Variants in EXD3 observed in about 807,000 individuals in gnomAD.
EXD3 encodes the protein exonuclease mut-7 homolog.
In EXD3, 92 loss-of-function variants were observed where a neutral mutation model predicts 98.0. The observed-to-expected ratio is 0.94, with a 90% CI of 0.79 to 1.12. The LOEUF (loss-of-function observed/expected upper bound fraction) is 1.12. Ranked by LOEUF, EXD3 falls within the 50% of genes most tolerant of loss-of-function variation. EXD3 has a pLI of 0.00. For missense variants in EXD3, 1,222 were observed against 1,191.6 expected (o/e 1.03, Z -0.38); for synonymous variants, 569 against 526.0 (o/e 1.08, Z -1.12).
At position 137,365,850 on chromosome 9, in the gene EXD3, A is replaced by T. The variant is rs554471534; in HGVS notation, c.656+643T>A. 2.2e-4 allele frequency: 77 copies of T among 357,580 alleles called. 1 individual carries two copies. The highest frequency in any genetic ancestry group is 1.2e-3 in the South Asian group (60 of 48,218). The allele number at this position is 357,580 out of a possible 1,614,324, so 22.2% of individuals were successfully genotyped here. A position where few individuals can be genotyped will look rare whatever the true frequency, so the allele number is the denominator to read the frequency against. The stretch of plus-strand genomic sequence containing the variant: ...CAGACATACACACCTGCACAAACGA[A>T]CACAATGCACACACAGATATACATG... On this transcript the variant is annotated intron_variant, in intron 7 of 21. Transcript: ENST00000340951.
chr9:137,337,433 A>G (rs1833412364), intron 17 of EXD3, among the ~76,000 whole-genome samples: 1 of 152,126 alleles, frequency 6.6e-6, no homozygotes, highest in South Asian at 2.1e-4. Flanking sequence ...CGGGCGGATC[A>G]CAAGGTCAGG....
At chr9:137,384,527 C>G (rs1310195412) in intron 2 of EXD3, among the ~76,000 whole-genome samples, 1 of 152,316 alleles carries the variant, frequency 6.6e-6, no homozygotes, top group South Asian at 2.1e-4. Flanking sequence ...CAGGGCAGCA[C>G]GTAAGGATGC....
At chr9:137,373,118 C>T (rs1332301847) in intron 4 of EXD3, 46 bp from the exon 5 acceptor site, 1 of 1,513,942 alleles carries the variant, frequency 6.6e-7, no homozygotes, top group Non-Finnish European at 8.8e-7. Flanking sequence ...CACCCAGTGG[C>T]TGGGCCATGG....
chr9:137,388,473 T>C (rs1836725610), intron 2 of EXD3, among the ~76,000 whole-genome samples: 1 of 152,092 alleles, frequency 6.6e-6, no homozygotes, highest in Non-Finnish European at 1.5e-5. Flanking sequence ...CGCGGGAAAC[T>C]GTGGGCTGTG....
chr9:137,384,811 T>C (rs1195197009), intron 2 of EXD3, among the ~76,000 whole-genome samples: 2 of 152,122 alleles, frequency 1.3e-5, no homozygotes. Context: ...AAGCAGCTCA[T>C]GCAAAACAAA....
intron 19 of EXD3, among the ~76,000 whole-genome samples, chr9:137,318,477 T>TG (rs897486326): frequency 5.3e-5 from 8 of 150,372 alleles, no homozygotes; most frequent in Admixed American, 3.3e-4. Context: ...TCAACCATGC[T>TG]GGGGGGGTGG....
intron 19 of EXD3, among the ~76,000 whole-genome samples, chr9:137,318,829 G>A (rs1831859488): frequency 2.0e-5 from 3 of 152,200 alleles, no homozygotes; most frequent in African/African-American, 7.2e-5. Flanking sequence ...GCTGAGTGGT[G>A]GGGCCGGCGG....
At chr9:137,350,673 A>G (rs13290776) in intron 14 of EXD3, among the ~76,000 whole-genome samples, 30 of 36,672 alleles carry the variant, frequency 8.2e-4, no homozygotes, top group Admixed American at 1.6e-3. Flanking sequence ...TGGGGATCAC[A>G]AGGAGGGGGC....
intron 2 of EXD3, chr9:137,392,756 C>A: frequency 2.8e-6 from 1 of 351,128 alleles, no homozygotes; most frequent in Non-Finnish European, 5.4e-6. Context: ...GGCACCGAGG[C>A]TGTTCCAGGG....
intron 5 of EXD3, among the ~76,000 whole-genome samples, chr9:137,372,425 A>G (rs1835672551): frequency 6.6e-6 from 1 of 152,208 alleles, no homozygotes; most frequent in South Asian, 2.1e-4. Context: ...CCCCTCTGGG[A>G]GCGTTTCCTT....
rs1480184485 is a variant in EXD3, at chr9:137,403,308, C to T, written c.-47-7904G>A. ...ATGCAGACCCGAACGCGTCTCCTCC[C>T]GGCTGGTCTGTCCAGGAAAAAGCCC... On this transcript the variant is annotated intron_variant, in intron 1 of 21. Coordinates refer to ENST00000340951, the MANE Select transcript of EXD3 (RefSeq NM_017820.5). The surrounding 1 kb of genome is among the most constrained non-coding windows in gnomAD (Gnocchi z 6.1). Among the ~76,000 whole-genome samples, 2 of 152,012 alleles carry T rather than the reference C, an allele frequency of 1.3e-5. No homozygotes were observed. Among genetic ancestry groups the T allele is most frequent in the Non-Finnish European group, 2.9e-5 (2 of 67,996 alleles).
chr9:137,323,763 C>T lies in EXD3; in HGVS notation c.2146G>A (p.Val716Met), dbSNP rs757839885. 16 of 1,612,256 alleles carry T rather than the reference C, an allele frequency of 9.9e-6. No individual in the cohort carries two copies. Among genetic ancestry groups the T allele is most frequent in the African/African-American group, 8.0e-5 (6 of 74,924 alleles). Residue 716 changes from valine (V) to methionine (M), a missense_variant, in exon 19 of 22, where the codon GTG becomes ATG. Physicochemically the swap from Val to Met is conservative, Grantham distance 21 (BLOSUM62 1). Transcript: ENST00000340951. ...AAGATGTCTGCGTGGGTGACACGCA[C>T]GTTGAAATGCTTGAGCACAGCCTTG... ...QAKAVLKHFN[V>M]RVTHADIFSR...
chr9:137,372,976 G>T lies in EXD3; in HGVS notation c.391C>A (p.Leu131Met). Residue 131 changes from leucine to methionine, a missense_variant, in exon 5 of 22, where the codon CTG (leucine) becomes ATG (methionine). Leu to Met is a conservative substitution (Grantham distance 15). Coordinates refer to ENST00000340951, the MANE Select transcript of EXD3 (RefSeq NM_017820.5). ...AGGCAGCTCCTGTCTGCATCCTGCA[G>T]CTGGAAGATGCTGGCCAGTGGTGCC... Reference protein sequence around the residue: ...LAAPLASIFQLQDADRSCLLA... With the variant: ...LAAPLASIFQMQDADRSCLLA... The T allele has an allele frequency of 6.2e-7, 1 of 1,604,164 alleles. No individual in the cohort carries two copies.
At chr9:137,400,609 T>C (rs1837434378) in intron 1 of EXD3, among the ~76,000 whole-genome samples, 1 of 151,710 alleles carries the variant, frequency 6.6e-6, no homozygotes, top group Admixed American at 6.6e-5. Flanking sequence ...CTACTACAAA[T>C]ACAAAATTAG....
chr9:137,323,779 C>T lies in EXD3; in HGVS notation c.2130G>A (p.Val710=), dbSNP rs773833112. The T allele has an allele frequency of 1.2e-6, 2 of 1,612,400 alleles. No homozygotes were observed. The highest frequency in any genetic ancestry group is 1.1e-5 in the South Asian group (1 of 91,080). ...TGACACGCACGTTGAAATGCTTGAGCACAGCCTTGGCCTGCTGCTGGGCCT... is the reference window on the plus strand; with the variant it reads ...TGACACGCACGTTGAAATGCTTGAGTACAGCCTTGGCCTGCTGCTGGGCCT... The part of the protein sequence containing the change: ...SLKAQQQAKA[V]LKHFNVRVTH... Residue 710 remains valine (V), a synonymous_variant, in exon 19 of 22, where the codon GTG becomes GTA. Transcript: ENST00000340951.
chr9:137,345,038 T>C (rs1485414328), intron 17 of EXD3, among the ~76,000 whole-genome samples: 1 of 152,254 alleles, frequency 6.6e-6, no homozygotes, highest in African/African-American at 2.4e-5. Flanking sequence ...AGGCTGCACC[T>C]TCCACTGTCT....
chr9:137,374,156 G>A (rs1006067489), intron 3 of EXD3, among the ~76,000 whole-genome samples: 1 of 152,264 alleles, frequency 6.6e-6, no homozygotes, highest in Non-Finnish European at 1.5e-5. Context: ...CAGCGGCGCC[G>A]TCCTCTGTGG....
At chr9:137,406,903 G>A (rs540392833) in intron 1 of EXD3, among the ~76,000 whole-genome samples, 2 of 152,110 alleles carry the variant, frequency 1.3e-5, no homozygotes, top group South Asian at 2.1e-4. Flanking sequence ...TGCGCGCTGC[G>A]GGGACCCGAC....
At chr9:137,350,736 G>C (rs889782405) in intron 14 of EXD3, among the ~76,000 whole-genome samples, 6 of 151,938 alleles carry the variant, frequency 3.9e-5, no homozygotes, top group African/African-American at 1.2e-4. Flanking sequence ...AGCCCCAGGG[G>C]CTCCCTCCCG....
Sources: gnomAD v4.1 joint callset for allele counts (sites outside exome capture counted in the v4.1 genomes callset) on GRCh38, gnomAD v4.1.1 for gene constraint, Gnocchi (gnomAD v3.1) non-coding constraint, MANE v1.5 for transcripts, NCBI Gene and HGNC (gene_info 2026-07-23, HGNC 2026-07-21) for gene names.